The following ASTN2 variants were observed in gnomAD, a reference collection of about 807,000 sequenced individuals.
The protein encoded by ASTN2 is astrotactin 2.
ASTN2 carries 54 observed loss-of-function variants against 139.8 expected under a neutral mutation model. The ratio of observed to expected loss-of-function variants is 0.39; its 90% CI spans 0.31 to 0.48. The LOEUF (loss-of-function observed/expected upper bound fraction) is 0.48, where lower values mean the gene tolerates loss of function less well. Among genes scored for constraint, ASTN2 ranks in the 20% least tolerant of loss-of-function variants. The pLI is 0.95. For synonymous variants in ASTN2, 756 were observed against 719.5 expected (o/e 1.05, Z -0.81); for missense variants, 1,565 against 1,725.1 (o/e 0.91, Z 1.64).
chr9:116,970,411 T>C (rs761933417), intron 10 of ASTN2, among the ~76,000 whole-genome samples: 2 of 152,202 alleles, frequency 1.3e-5, no homozygotes, highest in Non-Finnish European at 2.9e-5. Flanking sequence ...CTTCAAAATT[T>C]GGCATAGAAG....
chr9:116,936,276 C>T (rs371204604), intron 10 of ASTN2, among the ~76,000 whole-genome samples: 2 of 147,996 alleles, frequency 1.4e-5, no homozygotes, highest in Non-Finnish European at 3.0e-5. Flanking sequence ...CTACCATCAC[C>T]ACTACCACCC....
At chr9:116,717,920 TCTCA>T (rs1166617546) in intron 16 of ASTN2, among the ~76,000 whole-genome samples, 1 of 152,150 alleles carries the variant, frequency 6.6e-6, no homozygotes, top group Non-Finnish European at 1.5e-5. Context: ...GCTCACTCAA[TCTCA>T]CTCACTCATT....
At chr9:116,873,184 G>A (rs1833209832) in intron 10 of ASTN2, among the ~76,000 whole-genome samples, 1 of 152,168 alleles carries the variant, frequency 6.6e-6, no homozygotes, top group Non-Finnish European at 1.5e-5. Flanking sequence ...CATTTCATAG[G>A]AGAAAGAAAC....
At chr9:117,223,158 G>C (rs1281363663) in intron 2 of ASTN2, among the ~76,000 whole-genome samples, 1 of 152,212 alleles carries the variant, frequency 6.6e-6, no homozygotes, top group Non-Finnish European at 1.5e-5. Context: ...TAGTGGGCAT[G>C]ATGGGGAGAT....
intron 10 of ASTN2, among the ~76,000 whole-genome samples, chr9:116,958,960 C>T (rs1237055239): frequency 6.6e-6 from 1 of 152,056 alleles, no homozygotes; most frequent in Non-Finnish European, 1.5e-5. Context: ...CCATGTGGGG[C>T]CTCAATTTGA....
At chr9:116,640,087 A>C (rs1334872962) in intron 17 of ASTN2, among the ~76,000 whole-genome samples, 1 of 152,142 alleles carries the variant, frequency 6.6e-6, no homozygotes, top group African/African-American at 2.4e-5. Flanking sequence ...ATAAGAAAGG[A>C]TGTTCTCTCG....
chr9:116,985,987 A>C (rs1336387710), intron 7 of ASTN2, among the ~76,000 whole-genome samples: 1 of 152,194 alleles, frequency 6.6e-6, no homozygotes. Flanking sequence ...TCTGGGCCTC[A>C]TCAGAAAACG....
intron 13 of ASTN2, among the ~76,000 whole-genome samples, chr9:116,779,744 G>A (rs1475112501): frequency 6.6e-6 from 1 of 152,080 alleles, no homozygotes; most frequent in African/African-American, 2.4e-5. Context: ...CATGTGTTGT[G>A]TATGGCTCTC....
intron 10 of ASTN2, among the ~76,000 whole-genome samples, chr9:116,896,078 T>C (rs900464279): frequency 2.0e-5 from 3 of 152,176 alleles, no homozygotes; most frequent in African/African-American, 7.2e-5. Context: ...AAATCACATA[T>C]TATTCATAAG....
chr9:116,511,410 T>C (rs1205053519), intron 19 of ASTN2, among the ~76,000 whole-genome samples: 1 of 152,174 alleles, frequency 6.6e-6, no homozygotes, highest in Non-Finnish European at 1.5e-5. Flanking sequence ...TTTCCCAGTA[T>C]TTTATTGAGG....
Position 116,698,941 on chromosome 9 carries a change from G to C in ASTN2, c.2806+26830C>G. The C allele has an allele frequency of 2.5e-6, 4 of 1,614,160 alleles. No homozygotes were observed. Among genetic ancestry groups the C allele is most frequent in the Non-Finnish European group, 3.4e-6 (4 of 1,180,030 alleles). On this transcript the variant is annotated intron_variant, in intron 16 of 22. Transcript: ENST00000313400. The surrounding 1 kb of genome is among the most constrained non-coding windows in gnomAD (Gnocchi z 4.4). ...AACTATCGTATACAAGTCTTTACCC[G>C]CAAAGGCTTTTTGAAGGAAATCCGC...
intron 20 of ASTN2, among the ~76,000 whole-genome samples, chr9:116,478,791 G>A (rs1849074380): frequency 1.3e-5 from 2 of 151,736 alleles, no homozygotes; most frequent in South Asian, 2.1e-4. Context: ...TCAGGAGTTC[G>A]AACCAGCCTG....
rs1564367141 is a variant in ASTN2, at chr9:116,975,311, G to C, written c.1786C>G (p.Pro596Ala). Residue 596 changes from proline to alanine, a missense_variant, in exon 10 of 23, where the codon CCT (proline) becomes GCT (alanine). Coordinates refer to ENST00000313400, the MANE Select transcript of ASTN2 (RefSeq NM_001365068.1). ...GGAACCACAAAGCTTTTGCTGACAG[G>C]AAGCCAGAGGCCTTGGCCCAAGCTG... ...TFSLGQGLWLPVSKSFVVPPV... is the reference protein window; with the variant it reads ...TFSLGQGLWLAVSKSFVVPPV... 6.2e-7 allele frequency: 1 copy of C among 1,613,324 alleles called. No individual in the cohort carries two copies. Among genetic ancestry groups the C allele is most frequent in the Non-Finnish European group, 8.5e-7 (1 of 1,179,628 alleles).
intron 3 of ASTN2, among the ~76,000 whole-genome samples, chr9:117,203,424 T>C (rs1285241320): frequency 6.6e-6 from 1 of 152,112 alleles, no homozygotes; most frequent in Non-Finnish European, 1.5e-5. Context: ...CGCTCTGCTC[T>C]TTTGGGTTTT....
chr9:116,983,213 A>G (rs1469741237), intron 7 of ASTN2, among the ~76,000 whole-genome samples: 2 of 152,162 alleles, frequency 1.3e-5, no homozygotes, highest in African/African-American at 4.8e-5. Context: ...TGTTGACTCC[A>G]AGTGAGCCAC....
chr9:117,378,620 G>A (rs1830186402), intron 1 of ASTN2, among the ~76,000 whole-genome samples: 1 of 152,162 alleles, frequency 6.6e-6, no homozygotes, highest in Non-Finnish European at 1.5e-5. Flanking sequence ...GACTGAGTGT[G>A]TCTTAAAACT....
intron 3 of ASTN2, among the ~76,000 whole-genome samples, chr9:117,212,360 T>C (rs749183682): frequency 1.3e-4 from 8 of 63,192 alleles, no homozygotes; most frequent in Non-Finnish European, 2.7e-4. Flanking sequence ...AAAGATTTTG[T>C]AAGTAAGACC....
intron 16 of ASTN2, among the ~76,000 whole-genome samples, chr9:116,724,158 A>G (rs1828551461): frequency 6.6e-6 from 1 of 152,026 alleles, no homozygotes; most frequent in Non-Finnish European, 1.5e-5. Flanking sequence ...CAGTGAGTGA[A>G]GGTTTTTATA....
intron 1 of ASTN2, among the ~76,000 whole-genome samples, chr9:117,392,987 G>T (rs1423703666): frequency 1.3e-5 from 2 of 152,176 alleles, no homozygotes; most frequent in Non-Finnish European, 2.9e-5. Flanking sequence ...GGTCATGGTG[G>T]CCTCTAAGTT....
Sources: allele counts gnomAD v4.1 joint callset (sites outside exome capture counted in the v4.1 genomes callset), GRCh38; gene constraint gnomAD v4.1.1; non-coding constraint Gnocchi (gnomAD v3.1); transcripts MANE v1.5; gene names NCBI Gene and HGNC (gene_info 2026-07-23, HGNC 2026-07-21).